The following ALOX5 variants were observed in gnomAD, a reference collection of about 807,000 sequenced individuals.
ALOX5 encodes polyunsaturated fatty acid 5-lipoxygenase.
A neutral mutation model predicts 87.9 loss-of-function variants in ALOX5; 64 were observed. That is an observed-to-expected ratio of 0.73 (90% CI 0.60 to 0.90). The LOEUF (loss-of-function observed/expected upper bound fraction) is 0.90, where lower values mean the gene tolerates loss of function less well. ALOX5 is among the 40% of genes least tolerant of loss of function. ALOX5 has a pLI of 0.00. For missense variants in ALOX5, 822 were observed against 907.5 expected (o/e 0.91, Z 1.21); for synonymous variants, 388 against 355.1 (o/e 1.09, Z -1.04).
intron 7 of ALOX5, among the ~76,000 whole-genome samples, chr10:45,434,189 G>A (rs887138386): frequency 6.6e-6 from 1 of 152,238 alleles, no homozygotes; most frequent in Non-Finnish European, 1.5e-5. Flanking sequence ...AATTGGAGGA[G>A]CACTGGAGGG....
At chr10:45,381,182 T>C (rs1839814601) in intron 1 of ALOX5, among the ~76,000 whole-genome samples, 1 of 152,238 alleles carries the variant, frequency 6.6e-6, no homozygotes, top group South Asian at 2.1e-4. Context: ...CCTGGGCAGC[T>C]GCGCTGTACA....
chr10:45,410,269 T>C (rs1416289900), intron 3 of ALOX5, among the ~76,000 whole-genome samples: 1 of 152,256 alleles, frequency 6.6e-6, no homozygotes, highest in Non-Finnish European at 1.5e-5. Flanking sequence ...TTTAGATATA[T>C]ATTGGAGATG....
At chr10:45,445,216 G>GC (rs906480355) in intron 13 of ALOX5, among the ~76,000 whole-genome samples, 3 of 152,218 alleles carry the variant, frequency 2.0e-5, no homozygotes, top group African/African-American at 7.2e-5. Context: ...AACACCAGCA[G>GC]CCCCCAGCTT....
At chr10:45,380,150 G>A (rs1424172002) in intron 1 of ALOX5, among the ~76,000 whole-genome samples, 1 of 152,246 alleles carries the variant, frequency 6.6e-6, no homozygotes, top group African/African-American at 2.4e-5. Flanking sequence ...GTGTGGCCCT[G>A]CTCTCCTGAG....
At chr10:45,443,580 C>A (rs762741604) in intron 11 of ALOX5, 43 bp downstream of exon 11, 53 of 1,599,544 alleles carry the variant, frequency 3.3e-5, no homozygotes, top group Non-Finnish European at 4.2e-5. Context: ...CCCCCGCAGT[C>A]GGCAGCGCTG....
At chr10:45,412,721 T>G (rs1589018606) in intron 4 of ALOX5, among the ~76,000 whole-genome samples, 1 of 152,210 alleles carries the variant, frequency 6.6e-6, no homozygotes, top group Non-Finnish European at 1.5e-5. Context: ...ATATGTCCCC[T>G]GTTCCTCCGT....
At chr10:45,417,536 C>T (rs1395864646) in intron 4 of ALOX5, among the ~76,000 whole-genome samples, 1 of 152,150 alleles carries the variant, frequency 6.6e-6, no homozygotes, top group Non-Finnish European at 1.5e-5. Context: ...TGAGTGAGGG[C>T]AGGAGCATCT....
Position 45,444,558 on chromosome 10 carries a change from A to G in ALOX5, c.1845+272A>G, listed in dbSNP as rs555999978. On this transcript the variant is annotated intron_variant, in intron 13 of 13. Transcript: ENST00000374391. ...TGTGTGACGCCCCCTCCCCCCAGCT[A>G]TTGACAAAGTTCTTGCACATGTGTT... is the stretch of plus-strand genomic sequence containing the variant. 4 of 436,274 alleles carry G rather than the reference A, an allele frequency of 9.2e-6. No homozygotes were observed. In the East Asian group the frequency reaches 1.1e-4, roughly 12 times the overall value. The allele number at this position is 436,274 out of a possible 1,614,324, so 27.0% of individuals were successfully genotyped here.
chr10:45,430,380 AAAT>A (rs1209821145), intron 7 of ALOX5, among the ~76,000 whole-genome samples: 1 of 152,196 alleles, frequency 6.6e-6, no homozygotes, highest in African/African-American at 2.4e-5. Flanking sequence ...AAGGTCCAAA[AAAT>A]AATAATAATA....
intron 2 of ALOX5, among the ~76,000 whole-genome samples, chr10:45,384,896 G>T (rs1839960632): frequency 6.6e-6 from 1 of 151,868 alleles, no homozygotes; most frequent in Non-Finnish European, 1.5e-5. Context: ...AAGCTGGAGG[G>T]CAGTGGCACG....
At chr10:45,395,084 G>C (rs1377791661) in intron 2 of ALOX5, among the ~76,000 whole-genome samples, 2 of 152,160 alleles carry the variant, frequency 1.3e-5, no homozygotes, top group Non-Finnish European at 2.9e-5. Flanking sequence ...AATACCATTT[G>C]ACCCAGCCAT....
At chr10:45,404,243 A>G (rs1840798761) in intron 3 of ALOX5, among the ~76,000 whole-genome samples, 1 of 152,176 alleles carries the variant, frequency 6.6e-6, no homozygotes, top group African/African-American at 2.4e-5. Flanking sequence ...TGAACTTTGC[A>G]CTGTCTGCAC....
At position 45,425,340 on chromosome 10, in the gene ALOX5, G is replaced by A. The variant is rs903916488; in HGVS notation, c.834+208G>A. Among the ~76,000 whole-genome samples, 6 of 152,210 alleles carry A rather than the reference G, an allele frequency of 3.9e-5. No individual in the cohort carries two copies. Among genetic ancestry groups the A allele is most frequent in the South Asian group, 4.1e-4 (2 of 4,838 alleles). ...TGTGCAACATCAGAGGAGGAATTGC[G>A]GGGAATGTTTCTCCATGATGCTCGA... On this transcript the variant is annotated intron_variant, in intron 6 of 13. Transcript: ENST00000374391. The surrounding 1 kb of genome is among the most constrained non-coding windows in gnomAD (Gnocchi z 4.4).
rs199657122 is a variant in ALOX5, at chr10:45,443,438, A to G, written c.1474A>G (p.Ile492Val). 25 of 1,609,284 alleles carry G rather than the reference A, an allele frequency of 1.6e-5. No homozygotes were observed. In the East Asian group the frequency reaches 5.6e-4, roughly 36 times the overall value. Residue 492 changes from isoleucine to valine, a missense_variant, in exon 11 of 14, where the codon ATC (isoleucine) becomes GTC (valine). Transcript: ENST00000374391. ...IRTFTAEVVDIYYEGDQVVEE... is the reference protein window; with the variant it reads ...IRTFTAEVVDVYYEGDQVVEE... ...CAGGTTCACGGCCGAGGTGGTAGAC[A>G]TCTACTACGAGGGCGACCAGGTGGT...
chr10:45,403,576 A>AGT (rs754504330), intron 3 of ALOX5, among the ~76,000 whole-genome samples: 2 of 151,994 alleles, frequency 1.3e-5, no homozygotes, highest in African/African-American at 2.4e-5. Flanking sequence ...TGCATGTGTG[A>AGT]GTGTGTGTGT....
chr10:45,441,480 G>A (rs373685328), intron 9 of ALOX5, 50 bp downstream of exon 9: 104 of 1,556,710 alleles, frequency 6.7e-5, no homozygotes, highest in Non-Finnish European at 5.8e-5. Flanking sequence ...CAGCCTGGCC[G>A]CCTTCACTCC....
intron 4 of ALOX5, among the ~76,000 whole-genome samples, chr10:45,422,168 C>A (rs999083922): frequency 1.3e-5 from 2 of 152,182 alleles, no homozygotes; most frequent in Non-Finnish European, 2.9e-5. Context: ...GGAGTTCCCC[C>A]CTGTGGTTGC....
intron 1 of ALOX5, among the ~76,000 whole-genome samples, chr10:45,377,867 G>A (rs376763925): frequency 3.3e-5 from 5 of 152,300 alleles, no homozygotes; most frequent in South Asian, 2.1e-4. Flanking sequence ...ACTCTTTGCC[G>A]AAATATTCAA....
intron 5 of ALOX5, 147 bp from the exon 6 acceptor site, chr10:45,424,813 G>A (rs1018867487): frequency 6.4e-6 from 6 of 936,112 alleles, no homozygotes; most frequent in Admixed American, 2.6e-5. Flanking sequence ...GATGGGCAGG[G>A]GGCAGCAGTT....
Sources: allele counts gnomAD v4.1 joint callset (sites outside exome capture counted in the v4.1 genomes callset), GRCh38; gene constraint gnomAD v4.1.1; non-coding constraint Gnocchi (gnomAD v3.1); transcripts MANE v1.5; gene names NCBI Gene and HGNC (gene_info 2026-07-23, HGNC 2026-07-21).